Variants in ABCG1 observed in about 807,000 individuals in gnomAD.
The protein encoded by ABCG1 is ATP binding cassette subfamily G member 1.
Under a neutral mutation model 69.2 loss-of-function variants are expected in ABCG1, and 29 were observed. That is an observed-to-expected ratio of 0.42 (90% CI 0.31 to 0.57). The LOEUF (loss-of-function observed/expected upper bound fraction) is 0.57, where lower values mean the gene tolerates loss of function less well. Among genes scored for constraint, ABCG1 ranks in the 20% least tolerant of loss-of-function variants. ABCG1 has a pLI of 0.15. For missense variants in ABCG1, 718 were observed against 898.1 expected, an observed-to-expected ratio of 0.80 and a Z score of 2.56; for synonymous variants, 370 against 374.8, an observed-to-expected ratio of 0.99 and a Z score of 0.15.
chr21:42,286,449 C>G (rs989629360), intron 8 of ABCG1, among the ~76,000 whole-genome samples: 15 of 152,186 alleles, frequency 9.9e-5, no homozygotes, highest in African/African-American at 3.6e-4. Context: ...CCCAGGACTC[C>G]GTATTTTCTA....
chr21:42,287,844 G>A lies in ABCG1; in HGVS notation c.974-45G>A. 2.0e-6 allele frequency: 3 copies of A among 1,512,992 alleles called. No homozygotes were observed. The highest frequency in any genetic ancestry group is 2.7e-6 in the Non-Finnish European group (3 of 1,128,480). 93.7% of individuals were successfully genotyped at this position (1,512,992 alleles called of 1,614,324 possible). A position where few individuals can be genotyped will look rare whatever the true frequency, so the allele number is the denominator to read the frequency against. ...ACTTTCGCATTTGGGTGGTTGGGGT[G>A]TCCTTCCTGGAGCCCGGGCTGACCC... is the stretch of plus-strand genomic sequence containing the variant. On this transcript the variant is annotated intron_variant, in intron 8 of 14. Coordinates refer to ENST00000398449, the MANE Select transcript of ABCG1 (RefSeq NM_016818.3). This position sits in a 1 kb window ranked among gnomAD's most constrained non-coding sequence, Gnocchi z 6.2.
intron 2 of ABCG1, 30 bp from the exon 3 acceptor site, chr21:42,271,040 T>A: frequency 7.3e-7 from 1 of 1,371,330 alleles, no homozygotes; most frequent in Non-Finnish European, 9.7e-7. Context: ...TAAAATGAAA[T>A]GAATATGAAT....
chr21:42,295,299 C>T (rs1428196572), intron 14 of ABCG1: 2 of 120,510 alleles, frequency 1.7e-5, no homozygotes, highest in African/African-American at 6.3e-5. Context: ...CCACTGCACT[C>T]CAGCCTAGGT....
chr21:42,278,653 T>C (rs947856742), intron 5 of ABCG1, among the ~76,000 whole-genome samples: 1 of 152,162 alleles, frequency 6.6e-6, no homozygotes, highest in Non-Finnish European at 1.5e-5. Context: ...CCTCCAGAAT[T>C]GAGGCGGGAG....
chr21:42,221,963 A>C (rs2067735091), intron 1 of ABCG1, among the ~76,000 whole-genome samples: 1 of 152,202 alleles, frequency 6.6e-6, no homozygotes, highest in Non-Finnish European at 1.5e-5. Context: ...CACTCTGCTC[A>C]GCGCCCAGGA....
At chr21:42,275,344 A>G (rs1429347872) in intron 4 of ABCG1, among the ~76,000 whole-genome samples, 1 of 152,180 alleles carries the variant, frequency 6.6e-6, no homozygotes, top group Non-Finnish European at 1.5e-5. Context: ...TGTGTGCCCC[A>G]TGGAGCCCTG....
chr21:42,214,079 G>A (rs947133629), upstream of ABCG1, among the ~76,000 whole-genome samples: 3 of 152,256 alleles, frequency 2.0e-5, no homozygotes, highest in Non-Finnish European at 2.9e-5. Flanking sequence ...AGGGCCAGGG[G>A]TGGAATGCTA....
upstream of ABCG1, among the ~76,000 whole-genome samples, chr21:42,213,877 C>A (rs1169850190): frequency 1.3e-5 from 2 of 152,346 alleles, no homozygotes; most frequent in East Asian, 1.9e-4. Context: ...TGTGTGACTT[C>A]ACAAGTTCAC....
chr21:42,296,341 C>G lies in ABCG1; in HGVS notation c.1950C>G (p.Leu650=). The part of the protein sequence containing the change: ...FIVLGIFFIS[L]RLIAYFVLRY... ...TACTCGGGATTTTCTTCATCTCCCT[C>G]CGCCTCATTGCCTATTTTGTCCTCA... Residue 650 remains leucine, a synonymous_variant, in exon 15 of 15, where the codon CTC becomes CTG. Coordinates refer to ENST00000398449, the MANE Select transcript of ABCG1 (RefSeq NM_016818.3). This position sits in a 1 kb window ranked among gnomAD's most constrained non-coding sequence, Gnocchi z 5.4. The G allele has an allele frequency of 6.2e-7, 1 of 1,614,178 alleles. No homozygotes were observed. Among genetic ancestry groups the G allele is most frequent in the Non-Finnish European group, 8.5e-7 (1 of 1,180,038 alleles).
intron 2 of ABCG1, among the ~76,000 whole-genome samples, chr21:42,265,483 G>A (rs1310834551): frequency 6.6e-6 from 1 of 152,190 alleles, no homozygotes; most frequent in Non-Finnish European, 1.5e-5. Flanking sequence ...ACACAGGGGA[G>A]AGGCCCATGC....
At chr21:42,211,319 C>G (rs1477286842), upstream of ABCG1, among the ~76,000 whole-genome samples, 1 of 152,124 alleles carries the variant, frequency 6.6e-6, no homozygotes, top group Non-Finnish European at 1.5e-5. Context: ...TGTATCCAAC[C>G]AGCCTTATGC....
At chr21:42,250,078 T>C (rs2068195369) in intron 2 of ABCG1, among the ~76,000 whole-genome samples, 1 of 151,246 alleles carries the variant, frequency 6.6e-6, no homozygotes, top group African/African-American at 2.4e-5. Flanking sequence ...GTTGTGTGTC[T>C]TGGGTCACGT....
At chr21:42,265,874 G>T (rs1205898661) in intron 2 of ABCG1, among the ~76,000 whole-genome samples, 1 of 152,156 alleles carries the variant, frequency 6.6e-6, no homozygotes. Flanking sequence ...CAGCCCCCTC[G>T]CGCACTGCCA....
intron 2 of ABCG1, chr21:42,260,050 T>A: frequency 6.5e-7 from 1 of 1,549,700 alleles, no homozygotes; most frequent in Non-Finnish European, 8.7e-7. Context: ...CACCTGGGGG[T>A]GGTCGCTATC....
chr21:42,294,390 A>G (rs2069162161), intron 13 of ABCG1, 152 bp from the exon 14 acceptor site: 3 of 686,934 alleles, frequency 4.4e-6, no homozygotes, highest in South Asian at 3.2e-5. Flanking sequence ...CACCTCGGGA[A>G]CGCTGCACCT....
chr21:42,289,984 C>T lies in ABCG1; in HGVS notation c.1225-66C>T, dbSNP rs527782218. ...GTCCCATGCTTCCAAAGGCCGCATC[C>T]GGGTTGTTCTCTGAGCCGAGGACGG... is the stretch of plus-strand genomic sequence containing the variant. On this transcript the variant is annotated intron_variant, in intron 10 of 14. Transcript: ENST00000398449. 508 of 1,592,648 alleles carry T rather than the reference C, an allele frequency of 3.2e-4. 4 individuals carry two copies. The African/African-American group carries it at 5.4e-3, about 17-fold the overall frequency.
intron 5 of ABCG1, among the ~76,000 whole-genome samples, chr21:42,280,176 C>G (rs551404794): frequency 6.6e-6 from 1 of 152,226 alleles, no homozygotes; most frequent in African/African-American, 2.4e-5. Context: ...GCCTCGCCAT[C>G]GGGCCCACCA....
In ABCG1 at chr21:42,282,135, G is replaced by C. The variant is rs999511160; in HGVS notation, c.589-139G>C. ...GCACTGGGCAGCCTGGAGTGGGTTC[G>C]ACTTGCGTGGCCTCCACGTGGGCCA... On this transcript the variant is annotated intron_variant, in intron 5 of 14. Transcript: ENST00000398449. 2.5e-6 allele frequency: 3 copies of C among 1,216,266 alleles called. No individual in the cohort carries two copies. The African/African-American group carries it at 4.6e-5, about 18-fold the overall frequency. 75.3% of individuals were successfully genotyped at this position (1,216,266 alleles called of 1,614,324 possible).
At chr21:42,212,850 T>C (rs530485298), upstream of ABCG1, among the ~76,000 whole-genome samples, 401 of 152,102 alleles carry the variant, frequency 2.6e-3, 5 homozygotes, top group South Asian at 0.034. Context: ...CCCGCTACCA[T>C]GCCCGGCTAA....
Sources: allele counts gnomAD v4.1 joint callset (sites outside exome capture counted in the v4.1 genomes callset), GRCh38; gene constraint gnomAD v4.1.1; non-coding constraint Gnocchi (gnomAD v3.1); transcripts MANE v1.5; gene names NCBI Gene and HGNC (gene_info 2026-07-23, HGNC 2026-07-21).